The following DLG2 variants were observed in gnomAD, a reference collection of about 807,000 sequenced individuals.
DLG2 encodes the protein discs large MAGUK scaffold protein 2.
In DLG2, 45 loss-of-function variants were observed where a neutral mutation model predicts 132.5. That is an observed-to-expected ratio of 0.34 (90% CI 0.27 to 0.44). The LOEUF (loss-of-function observed/expected upper bound fraction) is 0.44, where lower values mean the gene tolerates loss of function less well. Ranked by LOEUF, DLG2 falls within the 20% of genes least tolerant of loss-of-function variation. The pLI is 1.00. For synonymous variants in DLG2, 424 were observed against 419.6 expected (o/e 1.01, Z -0.13); for missense variants, 1,045 against 1,196.9 (o/e 0.87, Z 1.87).
chr11:83,604,698 C>A (rs559335323), intron 19 of DLG2, among the ~76,000 whole-genome samples: 2 of 152,156 alleles, frequency 1.3e-5, no homozygotes, highest in Non-Finnish European at 2.9e-5. Flanking sequence ...AACACATGTG[C>A]CACTCAGGTG....
At chr11:83,626,867 C>T (rs905970540) in intron 19 of DLG2, among the ~76,000 whole-genome samples, 2 of 152,102 alleles carry the variant, frequency 1.3e-5, no homozygotes, top group African/African-American at 4.8e-5. Context: ...GTTGACAGAG[C>T]TGAGCATTCT....
At chr11:83,672,665 G>A (rs1181213718) in intron 18 of DLG2, among the ~76,000 whole-genome samples, 3 of 152,162 alleles carry the variant, frequency 2.0e-5, no homozygotes, top group African/African-American at 7.2e-5. Flanking sequence ...TTTGAAGGAT[G>A]TATCAGCTGG....
At chr11:83,642,562 A>C (rs1278412581) in intron 18 of DLG2, among the ~76,000 whole-genome samples, 1 of 152,200 alleles carries the variant, frequency 6.6e-6, no homozygotes, top group East Asian at 1.9e-4. Flanking sequence ...TAATATGCAT[A>C]TAACTCTGAA....
At chr11:85,196,235 A>G (rs2081057666) in intron 4 of DLG2, among the ~76,000 whole-genome samples, 2 of 152,236 alleles carry the variant, frequency 1.3e-5, no homozygotes, top group African/African-American at 4.8e-5. Flanking sequence ...ACACCAAATG[A>G]AAACTACCAC....
At chr11:85,293,462 C>G (rs567778584) in intron 3 of DLG2, among the ~76,000 whole-genome samples, 10 of 152,212 alleles carry the variant, frequency 6.6e-5, no homozygotes, top group Non-Finnish European at 1.5e-4. Context: ...GCACGGGGAG[C>G]CTCCTGTTAT....
intron 6 of DLG2, among the ~76,000 whole-genome samples, chr11:84,712,945 G>A (rs1163373902): frequency 2.0e-5 from 3 of 152,104 alleles, no homozygotes; most frequent in Admixed American, 6.5e-5. Flanking sequence ...GTGACCTTGA[G>A]TAAGTCATAT....
At chr11:83,900,993 T>C (rs1483373956) in intron 15 of DLG2, among the ~76,000 whole-genome samples, 2 of 152,218 alleles carry the variant, frequency 1.3e-5, no homozygotes, top group African/African-American at 4.8e-5. Context: ...CAGCATGACC[T>C]GGATGTGAGA....
At chr11:84,297,589 A>G (rs1278966293) in intron 7 of DLG2, among the ~76,000 whole-genome samples, 1 of 152,170 alleles carries the variant, frequency 6.6e-6, no homozygotes, top group Non-Finnish European at 1.5e-5. Context: ...ACTGCAAAAT[A>G]TCATTCTAAC....
At chr11:83,913,009 T>C (rs1030567839) in intron 15 of DLG2, among the ~76,000 whole-genome samples, 1 of 152,118 alleles carries the variant, frequency 6.6e-6, no homozygotes, top group Admixed American at 6.6e-5. Flanking sequence ...TTAATTCAAA[T>C]TGAATGCAGT....
intron 6 of DLG2, among the ~76,000 whole-genome samples, chr11:85,043,823 A>C (rs1176376067): frequency 2.6e-5 from 4 of 151,954 alleles, no homozygotes; most frequent in African/African-American, 9.7e-5. Flanking sequence ...AGCTTACCCA[A>C]ATATGTGCTC....
intron 6 of DLG2, among the ~76,000 whole-genome samples, chr11:84,757,571 G>A (rs2067049905): frequency 6.6e-6 from 1 of 152,140 alleles, no homozygotes; most frequent in Non-Finnish European, 1.5e-5. Context: ...ATTGCCTAAT[G>A]TCCTCCAAAG....
chr11:85,146,594 G>A (rs2076878310), intron 5 of DLG2, among the ~76,000 whole-genome samples: 2 of 152,086 alleles, frequency 1.3e-5, no homozygotes, highest in Non-Finnish European at 2.9e-5. Flanking sequence ...CCGTGGCTGA[G>A]CTGGTACCCA....
Position 85,398,402 on chromosome 11 carries a change from A to G in DLG2, c.41-113037T>C, listed in dbSNP as rs148713639. Among the ~76,000 whole-genome samples, 1,176 of 152,264 alleles carry G rather than the reference A, an allele frequency of 7.7e-3. 13 individuals carry two copies. The highest frequency in any genetic ancestry group is 0.027 in the African/African-American group (1,113 of 41,556). On this transcript the variant is annotated intron_variant, in intron 3 of 27. Coordinates refer to ENST00000376104, the MANE Select transcript of DLG2 (RefSeq NM_001142699.3). Reference sequence around the variant, plus strand: ...GCTGGAGCAAACACATTCAAAAGCTAGCAGAAGGCAAGAAATAACTAAGAT... The same window carrying G: ...GCTGGAGCAAACACATTCAAAAGCTGGCAGAAGGCAAGAAATAACTAAGAT...
At chr11:85,302,675 A>C (rs1159529722) in intron 3 of DLG2, among the ~76,000 whole-genome samples, 1 of 151,454 alleles carries the variant, frequency 6.6e-6, no homozygotes, top group Non-Finnish European at 1.5e-5. Context: ...ACAGTCAGTT[A>C]GTTGATAATT....
intron 3 of DLG2, among the ~76,000 whole-genome samples, chr11:85,467,259 G>A (rs997857864): frequency 1.3e-5 from 2 of 152,120 alleles, no homozygotes; most frequent in Admixed American, 1.3e-4. Context: ...CTCCAAACAG[G>A]GACAATTTGA....
intron 6 of DLG2, among the ~76,000 whole-genome samples, chr11:84,850,800 A>T (rs2082079702): frequency 6.6e-6 from 1 of 152,132 alleles, no homozygotes; most frequent in East Asian, 1.9e-4. Context: ...TTTTAATTAC[A>T]TAGAAAGAAT....
chr11:84,599,733 AT>A (rs2099571306), intron 6 of DLG2, among the ~76,000 whole-genome samples: 1 of 152,058 alleles, frequency 6.6e-6, no homozygotes, highest in South Asian at 2.1e-4. Context: ...ACATTCCGTA[AT>A]TAGAAATTCC....
chr11:84,643,096 T>C (rs769474605), intron 6 of DLG2, among the ~76,000 whole-genome samples: 3 of 152,224 alleles, frequency 2.0e-5, no homozygotes, highest in African/African-American at 4.8e-5. Flanking sequence ...CATCACTATG[T>C]AGACACCTGT....
chr11:84,321,112 G>A (rs2098402080), intron 7 of DLG2, among the ~76,000 whole-genome samples: 1 of 152,130 alleles, frequency 6.6e-6, no homozygotes, highest in Admixed American at 6.6e-5. Context: ...TTAAACTAAT[G>A]TCACTTCTGT....
Sources: gnomAD v4.1 joint callset for allele counts (sites outside exome capture counted in the v4.1 genomes callset) on GRCh38, gnomAD v4.1.1 for gene constraint, MANE v1.5 for transcripts, NCBI Gene and HGNC (gene_info 2026-07-23, HGNC 2026-07-21) for gene names.